TBC1D22A: variants seen among roughly 807,000 people sequenced by gnomAD.
TBC1D22A encodes the protein putative GTPase activator.
In TBC1D22A, 38 loss-of-function variants were observed where a neutral mutation model predicts 60.2. The observed-to-expected ratio is 0.63, with a 90% CI of 0.49 to 0.83. TBC1D22A has a LOEUF of 0.83. Ranked by LOEUF, TBC1D22A falls within the 40% of genes least tolerant of loss-of-function variation. TBC1D22A has a pLI of 0.00. For missense variants in TBC1D22A, 628 were observed against 701.0 expected, an observed-to-expected ratio of 0.90 and a Z score of 1.18; for synonymous variants, 302 against 281.7, an observed-to-expected ratio of 1.07 and a Z score of -0.72.
intron 8 of TBC1D22A, among the ~76,000 whole-genome samples, chr22:46,928,156 C>T (rs190755305): frequency 5.3e-5 from 8 of 150,834 alleles, no homozygotes; most frequent in East Asian, 2.0e-4. Context: ...GATTAGGACT[C>T]ACGCATTCTG....
At chr22:47,079,464 A>G (rs2064369089) in intron 11 of TBC1D22A, among the ~76,000 whole-genome samples, 1 of 152,246 alleles carries the variant, frequency 6.6e-6, no homozygotes, top group African/African-American at 2.4e-5. Flanking sequence ...CCCATGGAAA[A>G]GAAATAAAAC....
chr22:46,973,435 G>A (rs1390004912), intron 8 of TBC1D22A, among the ~76,000 whole-genome samples: 2 of 152,186 alleles, frequency 1.3e-5, no homozygotes, highest in Non-Finnish European at 2.9e-5. Flanking sequence ...CAACACCAGC[G>A]GCAGCATCAT....
chr22:46,841,278 T>G (rs1376621511), intron 4 of TBC1D22A, among the ~76,000 whole-genome samples: 1 of 152,188 alleles, frequency 6.6e-6, no homozygotes, highest in African/African-American at 2.4e-5. Context: ...GTGGGTTCAC[T>G]CTCTTCTGCT....
At chr22:46,904,030 A>G (rs558747795) in intron 7 of TBC1D22A, among the ~76,000 whole-genome samples, 1 of 152,112 alleles carries the variant, frequency 6.6e-6, no homozygotes, top group African/African-American at 2.4e-5. Context: ...GAAAAAAATG[A>G]TATGAAATCT....
At chr22:46,976,400 T>A (rs2074296585) in intron 9 of TBC1D22A, among the ~76,000 whole-genome samples, 1 of 152,188 alleles carries the variant, frequency 6.6e-6, no homozygotes, top group Non-Finnish European at 1.5e-5. Flanking sequence ...AGTTGAGGGA[T>A]GTCAGTTCCC....
chr22:46,809,849 C>A (rs1332363547), intron 4 of TBC1D22A, among the ~76,000 whole-genome samples: 1 of 152,128 alleles, frequency 6.6e-6, no homozygotes, highest in Admixed American at 6.5e-5. Flanking sequence ...TCCACTGAGG[C>A]CATGAAACTA....
chr22:47,168,042 C>T (rs895590707), intron 12 of TBC1D22A, among the ~76,000 whole-genome samples: 7 of 152,356 alleles, frequency 4.6e-5, no homozygotes, highest in Admixed American at 1.3e-4. Flanking sequence ...GGTTGTGTAG[C>T]TAATAAATGC....
At chr22:47,130,386 G>A (rs910944923) in intron 12 of TBC1D22A, among the ~76,000 whole-genome samples, 1 of 152,100 alleles carries the variant, frequency 6.6e-6, no homozygotes, top group African/African-American at 2.4e-5. Context: ...TCCTTGTCCG[G>A]TAGAGCACAC....
chr22:46,821,246 G>C (rs1191003750), intron 4 of TBC1D22A, among the ~76,000 whole-genome samples: 1 of 152,034 alleles, frequency 6.6e-6, no homozygotes, highest in Admixed American at 6.6e-5. Context: ...TATAAAGTTA[G>C]TATTGTTATG....
chr22:46,985,703 A>C (rs1447626146), intron 9 of TBC1D22A, among the ~76,000 whole-genome samples: 1 of 152,166 alleles, frequency 6.6e-6, no homozygotes, highest in African/African-American at 2.4e-5. Context: ...TGTTGTGAAT[A>C]ACATTTCTGT....
chr22:46,837,454 AAG>A (rs1181137723), intron 4 of TBC1D22A, among the ~76,000 whole-genome samples: 1 of 152,186 alleles, frequency 6.6e-6, no homozygotes, highest in African/African-American at 2.4e-5. Context: ...CATTCTTCTC[AAG>A]TCATAAGGAG....
At chr22:46,875,803 C>T (rs147468974) in intron 4 of TBC1D22A, among the ~76,000 whole-genome samples, 49 of 152,196 alleles carry the variant, frequency 3.2e-4, no homozygotes, top group African/African-American at 1.2e-3. Context: ...AATATCACGC[C>T]CCCCAACAAA....
chr22:47,091,060 G>A lies in TBC1D22A; in HGVS notation c.1330-20448G>A, dbSNP rs569965060. ...AGTCGTCTTTGGGGGGAGTGGCCTCGCAGAGGGGGTGGCTGCTTGTTGATA... is the reference window on the plus strand; with the variant it reads ...AGTCGTCTTTGGGGGGAGTGGCCTCACAGAGGGGGTGGCTGCTTGTTGATA... On this transcript the variant is annotated intron_variant, in intron 11 of 12. Transcript: ENST00000337137. Among the ~76,000 whole-genome samples the A allele has an allele frequency of 6.6e-5, 9 of 135,808 alleles. No homozygotes were observed. The East Asian group carries it at 1.2e-3, about 18-fold the overall frequency. 89.1% of individuals were successfully genotyped at this position (135,808 alleles called of 152,430 possible).
At position 47,076,795 on chromosome 22, in the gene TBC1D22A, AAG is replaced by A. The variant is rs1569423036; in HGVS notation, c.1330-34711_1330-34710del. 2.6e-5 allele frequency among the ~76,000 whole-genome samples: 4 copies of A among 152,196 alleles called. No homozygotes were observed. In the South Asian group the frequency reaches 8.3e-4, roughly 32 times the overall value. On this transcript the variant is annotated intron_variant, in intron 11 of 12. Transcript: ENST00000337137. Reference sequence around the variant, plus strand: ...CAACAGCAACAAAAAACAGTTAAAAAAGAATATCATCTCCCTGTGACAAGAGT... The same window carrying A: ...CAACAGCAACAAAAAACAGTTAAAAAAATATCATCTCCCTGTGACAAGAGT...
Position 46,859,033 on chromosome 22 carries a change from C to T in TBC1D22A, c.638-19620C>T, listed in dbSNP as rs1429693077. Reference sequence around the variant, plus strand: ...GAATCCTTTTCGATAGAGGTCCGCGCAGTGCTGTGCCCCTTCCCGGGACCA... The same window carrying T: ...GAATCCTTTTCGATAGAGGTCCGCGTAGTGCTGTGCCCCTTCCCGGGACCA... On this transcript the variant is annotated intron_variant, in intron 4 of 12. Transcript: ENST00000337137. Among the ~76,000 whole-genome samples, 940 of 120,348 alleles carry T rather than the reference C, an allele frequency of 7.8e-3. 11 individuals carry two copies. The highest frequency in any genetic ancestry group is 0.029 in the African/African-American group (875 of 30,682). 79.0% of individuals were successfully genotyped at this position (120,348 alleles called of 152,430 possible).
chr22:47,136,587 AGTTCCTT>A (rs879325193), intron 12 of TBC1D22A, among the ~76,000 whole-genome samples: 47,256 of 151,986 alleles, frequency 0.31, 7,772 homozygotes, highest in East Asian at 0.6. Flanking sequence ...CTGTGGACCC[AGTTCCTT>A]GGAGCCAACC....
At chr22:47,024,971 A>G (rs940348762) in intron 10 of TBC1D22A, among the ~76,000 whole-genome samples, 1 of 152,254 alleles carries the variant, frequency 6.6e-6, no homozygotes, top group African/African-American at 2.4e-5. Context: ...TAATGTCTAT[A>G]TTAATGGCAA....
At chr22:46,782,938 A>G (rs2084002700) in intron 1 of TBC1D22A, among the ~76,000 whole-genome samples, 1 of 152,030 alleles carries the variant, frequency 6.6e-6, no homozygotes, top group South Asian at 2.1e-4. Flanking sequence ...TTTGGTGTGG[A>G]TGTGTATTTT....
chr22:47,024,035 G>A (rs1257814820), intron 10 of TBC1D22A, among the ~76,000 whole-genome samples: 8 of 152,210 alleles, frequency 5.3e-5, no homozygotes, highest in Non-Finnish European at 1.2e-4. Context: ...AACACATGCC[G>A]CGGTGCGATG....
Sources: gnomAD v4.1 joint callset for allele counts (sites outside exome capture counted in the v4.1 genomes callset) on GRCh38, gnomAD v4.1.1 for gene constraint, MANE v1.5 for transcripts, NCBI Gene and HGNC (gene_info 2026-07-23, HGNC 2026-07-21) for gene names.